The following SNTG2 variants were observed in gnomAD, a reference collection of about 807,000 sequenced individuals.
SNTG2 encodes the protein gamma-2-syntrophin.
A neutral mutation model predicts 70.9 loss-of-function variants in SNTG2; 74 were observed. The ratio of observed to expected loss-of-function variants is 1.04; its 90% CI spans 0.86 to 1.27. The LOEUF (loss-of-function observed/expected upper bound fraction) is 1.27, where lower values mean the gene tolerates loss of function less well. Ranked by LOEUF, SNTG2 falls within the 50% of genes most tolerant of loss-of-function variation. The pLI, the probability that SNTG2 is intolerant of heterozygous loss-of-function variation, is 0.00. For synonymous variants in SNTG2, 278 were observed against 273.8 expected (o/e 1.02, Z -0.15); for missense variants, 717 against 690.7 (o/e 1.04, Z -0.43).
intron 6 of SNTG2, among the ~76,000 whole-genome samples, chr2:1,151,910 T>C (rs4077325): frequency 0.64 from 94,106 of 147,432 alleles, 32,351 homozygotes; most frequent in Non-Finnish European, 0.8. Context: ...GAACTAAGAA[T>C]TGAAAACAGA....
chr2:1,232,870 T>C lies in SNTG2; in HGVS notation c.720-5018T>C, dbSNP rs949595894. 2.6e-5 allele frequency among the ~76,000 whole-genome samples: 4 copies of C among 152,132 alleles called. No homozygotes were observed. The South Asian group carries it at 8.3e-4, about 31-fold the overall frequency. ...CGTAATTTTCAGTCATGAGCTAAAA[T>C]ACACACACATGCACACACACACACA... On this transcript the variant is annotated intron_variant, in intron 9 of 16. Transcript: ENST00000308624.
chr2:1,051,186 TTTCCTCCC>T (rs764501213), intron 1 of SNTG2, among the ~76,000 whole-genome samples: 1,442 of 117,130 alleles, frequency 0.012, 13 homozygotes, highest in Non-Finnish European at 0.02. Context: ...CCCTCCTTCC[TTTCCTCCC>T]TTCCTCCCTT....
At chr2:1,009,812 C>T (rs972992770) in intron 1 of SNTG2, among the ~76,000 whole-genome samples, 3 of 152,322 alleles carry the variant, frequency 2.0e-5, no homozygotes, top group East Asian at 3.9e-4. Flanking sequence ...CTTTCCTGAT[C>T]TCAGATTTAT....
intron 8 of SNTG2, among the ~76,000 whole-genome samples, chr2:1,174,000 G>A (rs1294205555): frequency 1.3e-5 from 2 of 152,212 alleles, no homozygotes; most frequent in African/African-American, 2.4e-5. Context: ...AGAACCTAGA[G>A]AAAAATATTC....
At chr2:1,079,772 T>C (rs1664161710) in intron 1 of SNTG2, among the ~76,000 whole-genome samples, 1 of 152,206 alleles carries the variant, frequency 6.6e-6, no homozygotes, top group Non-Finnish European at 1.5e-5. Context: ...CAATGGTGAG[T>C]GGTCAGCGTG....
intron 2 of SNTG2, among the ~76,000 whole-genome samples, chr2:1,092,516 T>C (rs928227819): frequency 2.0e-5 from 3 of 152,250 alleles, no homozygotes; most frequent in Admixed American, 1.3e-4. Flanking sequence ...CCTGTAGAAC[T>C]GATTGAAATC....
chr2:1,294,655 A>G (rs1419072990), intron 14 of SNTG2, among the ~76,000 whole-genome samples: 2 of 152,220 alleles, frequency 1.3e-5, no homozygotes, highest in Non-Finnish European at 2.9e-5. Context: ...TGTAAGCAGG[A>G]CATTGGTCTC....
intron 16 of SNTG2, among the ~76,000 whole-genome samples, chr2:1,318,194 A>G (rs1306461297): frequency 6.6e-6 from 1 of 152,232 alleles, no homozygotes; most frequent in African/African-American, 2.4e-5. Context: ...TAATAAGACT[A>G]AAGATTAAAT....
chr2:1,137,915 G>A (rs1181962756), intron 6 of SNTG2, 106 bp downstream of exon 6: 1 of 1,101,656 alleles, frequency 9.1e-7, no homozygotes, highest in African/African-American at 1.6e-5. Flanking sequence ...TGCAGTGTTA[G>A]AATTGGAAAG....
intron 8 of SNTG2, among the ~76,000 whole-genome samples, chr2:1,190,700 G>A (rs970096768): frequency 4.6e-5 from 7 of 151,324 alleles, no homozygotes; most frequent in Admixed American, 3.3e-4. Flanking sequence ...TCCAGAAAAG[G>A]AAGCAAGAAT....
chr2:1,041,135 G>A lies in SNTG2; in HGVS notation c.73-42383G>A, dbSNP rs549575317. Among the ~76,000 whole-genome samples, 131 of 152,270 alleles carry A rather than the reference G, an allele frequency of 8.6e-4. No individual in the cohort carries two copies. In the Middle Eastern group the frequency reaches 0.017, roughly 20 times the overall value. On this transcript the variant is annotated intron_variant, in intron 1 of 16. Transcript: ENST00000308624. ...TTACATATCCTGTACTTTCTAGGGC[G>A]AATTCTCACTGTGTGTGCTGCAGAC...
chr2:1,364,857 T>C (rs13397572), intron 16 of SNTG2, among the ~76,000 whole-genome samples: 109,097 of 151,160 alleles, frequency 0.72, 39,596 homozygotes, highest in East Asian at 0.94. Flanking sequence ...TTGCAGTGAG[T>C]GGAGGTTGTG....
At chr2:1,073,713 TATTG>T (rs1417077992) in intron 1 of SNTG2, among the ~76,000 whole-genome samples, 1 of 152,252 alleles carries the variant, frequency 6.6e-6, no homozygotes, top group Non-Finnish European at 1.5e-5. Context: ...TGTTCCCTAT[TATTG>T]AACATTAAAA....
chr2:977,512 C>G (rs1231248160), intron 1 of SNTG2, among the ~76,000 whole-genome samples: 1 of 152,198 alleles, frequency 6.6e-6, no homozygotes, highest in African/African-American at 2.4e-5. Context: ...TGCCTCCACC[C>G]TGTTTTAAGG....
intron 1 of SNTG2, among the ~76,000 whole-genome samples, chr2:955,638 G>A (rs752922827): frequency 1.3e-5 from 2 of 152,214 alleles, no homozygotes; most frequent in African/African-American, 4.8e-5. Context: ...ATGTTTTATT[G>A]TGTAGTTCAT....
chr2:972,458 T>A (rs1439638160), intron 1 of SNTG2, among the ~76,000 whole-genome samples: 3 of 152,212 alleles, frequency 2.0e-5, no homozygotes, highest in Non-Finnish European at 2.9e-5. Flanking sequence ...ACTCCTGCTT[T>A]TTTTTACACA....
intron 1 of SNTG2, among the ~76,000 whole-genome samples, chr2:960,391 G>C (rs992372361): frequency 6.6e-6 from 1 of 152,208 alleles, no homozygotes; most frequent in Non-Finnish European, 1.5e-5. Context: ...TTCAGTGCAC[G>C]ATGCTTTTCA....
intron 1 of SNTG2, among the ~76,000 whole-genome samples, chr2:961,494 C>G: frequency 6.6e-6 from 1 of 152,160 alleles, no homozygotes; most frequent in East Asian, 1.9e-4. Flanking sequence ...CCACGGTGTG[C>G]CCAGGAAATG....
intron 1 of SNTG2, among the ~76,000 whole-genome samples, chr2:1,069,421 T>C (rs1322944720): frequency 1.3e-5 from 2 of 151,024 alleles, no homozygotes; most frequent in Non-Finnish European, 2.9e-5. Context: ...ATATTCTCAT[T>C]AAAATTCTGG....
Sources: allele counts gnomAD v4.1 joint callset (sites outside exome capture counted in the v4.1 genomes callset), GRCh38; gene constraint gnomAD v4.1.1; transcripts MANE v1.5; gene names NCBI Gene and HGNC (gene_info 2026-07-23, HGNC 2026-07-21).